LRRFIP2: variants seen among roughly 807,000 people sequenced by gnomAD.
LRRFIP2 encodes the protein LRR binding FLII interacting protein 2.
In LRRFIP2, 109 loss-of-function variants were observed where a neutral mutation model predicts 125.9. The observed-to-expected ratio is 0.87, with a 90% CI of 0.74 to 1.01. The LOEUF is 1.01. Ranked by LOEUF, LRRFIP2 falls within the 50% of genes least tolerant of loss-of-function variation. LRRFIP2 has a pLI of 0.00. For synonymous variants in LRRFIP2, 291 were observed against 293.1 expected, an observed-to-expected ratio of 0.99 and a Z score of 0.07; for missense variants, 850 against 862.3, an observed-to-expected ratio of 0.99 and a Z score of 0.18.
In LRRFIP2 at chr3:37,149,024, A is replaced by G. The variant is rs765942877; in HGVS notation, c.-41T>C. On this transcript the variant is annotated 5_prime_UTR_variant, in exon 2 of 28. Transcript: ENST00000336686. ...GTCTTTTAACTTTGAAAGTGATTTA[A>G]CTGTGTTTTCAGCCCTGAAGTAAAC... 3.1e-6 allele frequency: 5 copies of G among 1,611,128 alleles called. No homozygotes were observed. The Admixed American group carries it at 6.7e-5, about 22-fold the overall frequency.
intron 2 of LRRFIP2, among the ~76,000 whole-genome samples, chr3:37,147,096 C>A (rs1261604950): frequency 2.0e-5 from 3 of 151,848 alleles, no homozygotes; most frequent in Non-Finnish European, 4.4e-5. Context: ...ATGCAGCCAA[C>A]AAACATGAAA....
At chr3:37,139,511 G>A (rs1200300170) in intron 2 of LRRFIP2, among the ~76,000 whole-genome samples, 4 of 152,138 alleles carry the variant, frequency 2.6e-5, no homozygotes, top group African/African-American at 9.7e-5. Context: ...TTTAAGGTCT[G>A]AAGAAGGCAT....
At chr3:37,070,711 G>A (rs1209946562) in intron 21 of LRRFIP2, among the ~76,000 whole-genome samples, 4 of 152,184 alleles carry the variant, frequency 2.6e-5, no homozygotes, top group African/African-American at 4.8e-5. Flanking sequence ...GCCTTGGGGA[G>A]AGAGAGAGAT....
At chr3:37,153,604 T>C (rs1362722891) in intron 1 of LRRFIP2, among the ~76,000 whole-genome samples, 1 of 152,198 alleles carries the variant, frequency 6.6e-6, no homozygotes, top group Admixed American at 6.5e-5. Flanking sequence ...ACAATGCCTA[T>C]GCCTTAGACC....
chr3:37,091,679 C>T, intron 17 of LRRFIP2, 141 bp from the exon 18 acceptor site: 1 of 614,110 alleles, frequency 1.6e-6, no homozygotes. Context: ...ACATAACTCC[C>T]ACTCCCAACC....
intron 1 of LRRFIP2, among the ~76,000 whole-genome samples, chr3:37,173,694 T>C (rs1220972494): frequency 6.6e-6 from 1 of 152,218 alleles, no homozygotes; most frequent in Non-Finnish European, 1.5e-5. Flanking sequence ...CCCAGCACAC[T>C]GCAAGAATTA....
chr3:37,121,365 G>A (rs1205148242), intron 6 of LRRFIP2, 127 bp downstream of exon 6: 1 of 801,298 alleles, frequency 1.2e-6, no homozygotes, highest in Non-Finnish European at 2.0e-6. Flanking sequence ...AAAGGTCTTT[G>A]CCAATATTTT....
chr3:37,136,065 C>A (rs2095548453), intron 2 of LRRFIP2, among the ~76,000 whole-genome samples: 1 of 152,144 alleles, frequency 6.6e-6, no homozygotes, highest in Non-Finnish European at 1.5e-5. Context: ...AACGAATAAA[C>A]CAGCGAGATT....
intron 8 of LRRFIP2, chr3:37,111,761 G>A (rs2094552193): frequency 1.3e-5 from 2 of 152,016 alleles, no homozygotes; most frequent in Admixed American, 6.6e-5. Flanking sequence ...ACCACCCCTA[G>A]CCCTGCCTTC....
intron 23 of LRRFIP2, 30 bp from the exon 24 acceptor site, chr3:37,063,821 AAT>A: frequency 1.3e-6 from 2 of 1,538,278 alleles, no homozygotes; most frequent in Non-Finnish European, 9.0e-7. Flanking sequence ...TCATAAACTA[AAT>A]ATGTGATGAT....
In LRRFIP2 at chr3:37,121,492, C is replaced by T. The variant is rs754984441; in HGVS notation, c.330G>A (p.Arg110=). ...ALSIRSVGSH[R]YDMFKDRSSR... is the part of the protein sequence containing the mutation. ...TGTGTAGACAAGTTAAAATACCAACCCTGTGACTGCCAACACTTCGAATGG... is the reference window on the plus strand; with the variant it reads ...TGTGTAGACAAGTTAAAATACCAACTCTGTGACTGCCAACACTTCGAATGG... Residue 110 remains arginine (R), a splice_region_variant and synonymous_variant, in exon 6 of 28, where the codon AGG becomes AGA. Coordinates refer to ENST00000336686, the MANE Select transcript of LRRFIP2 (RefSeq NM_006309.4). The T allele has an allele frequency of 2.4e-5, 39 of 1,613,650 alleles. No individual in the cohort carries two copies. The highest frequency in any genetic ancestry group is 3.2e-5 in the Non-Finnish European group (38 of 1,179,758).
At chr3:37,114,996 T>A in intron 7 of LRRFIP2, 58 bp downstream of exon 7, 1 of 1,292,092 alleles carries the variant, frequency 7.7e-7, no homozygotes, top group Admixed American at 1.8e-5. Context: ...ATAATTAGCA[T>A]CAACAGATGT....
chr3:37,159,770 G>A (rs2096284322), intron 1 of LRRFIP2, among the ~76,000 whole-genome samples: 1 of 150,022 alleles, frequency 6.7e-6, no homozygotes, highest in African/African-American at 2.5e-5. Flanking sequence ...ACCTCCCAAA[G>A]TGCTGGGATT....
chr3:37,164,403 AACATTATTTTT>A (rs2096423310), intron 1 of LRRFIP2, among the ~76,000 whole-genome samples: 2 of 152,202 alleles, frequency 1.3e-5, no homozygotes. Context: ...CTATTTTAAT[AACATTATTTTT>A]TAAACAAAAA....
At chr3:37,138,131 G>A (rs993294228) in intron 2 of LRRFIP2, among the ~76,000 whole-genome samples, 2 of 152,224 alleles carry the variant, frequency 1.3e-5, no homozygotes, top group Non-Finnish European at 2.9e-5. Context: ...AGGAACAAGT[G>A]AGGTAAAAAT....
chr3:37,141,908 C>A (rs1207296115), intron 2 of LRRFIP2, among the ~76,000 whole-genome samples: 1 of 152,144 alleles, frequency 6.6e-6, no homozygotes, highest in African/African-American at 2.4e-5. Context: ...CCAGCTCCAG[C>A]CAGTTTCCTC....
Position 37,143,199 on chromosome 3 carries a change from AC to A in LRRFIP2, c.90+5694del, listed in dbSNP as rs561191955. 8.5e-5 allele frequency among the ~76,000 whole-genome samples: 13 copies of A among 152,266 alleles called. No homozygotes were observed. In the East Asian group the frequency reaches 2.5e-3, roughly 29 times the overall value. ...ATTAAACCTCTTTTCTTTATAAATC[AC>A]CCAGTCTTGGGCATTTATAGCAATG... On this transcript the variant is annotated intron_variant, in intron 2 of 27. Coordinates refer to ENST00000336686, the MANE Select transcript of LRRFIP2 (RefSeq NM_006309.4).
chr3:37,076,963 A>G (rs2092133379), intron 19 of LRRFIP2, among the ~76,000 whole-genome samples: 1 of 152,214 alleles, frequency 6.6e-6, no homozygotes, highest in Admixed American at 6.5e-5. Context: ...AGAAATAGAA[A>G]TAGCTCTGAA....
At chr3:37,097,283 T>C (rs1057383493) in intron 15 of LRRFIP2, among the ~76,000 whole-genome samples, 3 of 151,952 alleles carry the variant, frequency 2.0e-5, no homozygotes, top group Non-Finnish European at 2.9e-5. Flanking sequence ...CAGTCTCTAA[T>C]AGCAACCAAC....
Sources: allele counts gnomAD v4.1 joint callset (sites outside exome capture counted in the v4.1 genomes callset), GRCh38; gene constraint gnomAD v4.1.1; transcripts MANE v1.5; gene names NCBI Gene and HGNC (gene_info 2026-07-23, HGNC 2026-07-21).